HSPH1: variants seen among roughly 807,000 people sequenced by gnomAD.
The protein encoded by HSPH1 is heat shock protein family H (Hsp110) member 1.
A neutral mutation model predicts 100.0 loss-of-function variants in HSPH1; 40 were observed. The ratio of observed to expected loss-of-function variants is 0.40; its 90% CI spans 0.31 to 0.52. HSPH1 has a LOEUF of 0.52. Among genes scored for constraint, HSPH1 ranks in the 20% least tolerant of loss-of-function variants. The pLI is 0.54. For synonymous variants in HSPH1, 403 were observed against 344.0 expected (o/e 1.17, Z -1.90); for missense variants, 876 against 1,015.1 (o/e 0.86, Z 1.86).
chr13:31,157,067 G>T (rs1343828804), intron 2 of HSPH1, among the ~76,000 whole-genome samples: 1 of 152,086 alleles, frequency 6.6e-6, no homozygotes, highest in Non-Finnish European at 1.5e-5. Context: ...CTAATTTTTT[G>T]AATAAAGGGA....
chr13:31,151,844 A>C (rs1467916772), intron 5 of HSPH1, 102 bp from the exon 6 acceptor site: 1 of 982,712 alleles, frequency 1.0e-6, no homozygotes, highest in African/African-American at 1.6e-5. Flanking sequence ...ATTAACTTGA[A>C]ACAATTAAAG....
rs1479674218 is a variant in HSPH1, at chr13:31,135,429, CAT to C, written c.*1887_*1888del. Reference sequence around the variant, plus strand: ...TCAGAAAACATAAAAACCAAAGAAACATATTAACTGCATAAAAATTTAAAGTT... The same window carrying C: ...TCAGAAAACATAAAAACCAAAGAAACATTAACTGCATAAAAATTTAAAGTT... On this transcript the variant is annotated 3_prime_UTR_variant, in exon 18 of 18. Transcript: ENST00000320027. 4 of 152,228 alleles carry C rather than the reference CAT, an allele frequency of 2.6e-5. No individual in the cohort carries two copies. In the East Asian group the frequency reaches 7.7e-4, roughly 29 times the overall value. The allele number at this position is 152,228 out of a possible 1,614,324, so 9.4% of individuals were successfully genotyped here.
intron 2 of HSPH1, among the ~76,000 whole-genome samples, chr13:31,155,859 G>C (rs919554209): frequency 6.6e-6 from 1 of 152,242 alleles, no homozygotes; most frequent in East Asian, 1.9e-4. Flanking sequence ...GAAAATGCCA[G>C]AAAGTAAGCA....
chr13:31,143,336 T>C (rs1009543354), intron 12 of HSPH1, among the ~76,000 whole-genome samples: 6 of 152,134 alleles, frequency 3.9e-5, no homozygotes, highest in African/African-American at 1.4e-4. Context: ...AATCTGGTTA[T>C]TACCAGATCA....
At chr13:31,145,816 T>A in intron 10 of HSPH1, 48 bp from the exon 11 acceptor site, 1 of 1,573,612 alleles carries the variant, frequency 6.4e-7, no homozygotes, top group Non-Finnish European at 8.7e-7. Flanking sequence ...TATTTAGAAT[T>A]AAGTCTAAAT....
Position 31,135,897 on chromosome 13 carries a change from G to A in HSPH1, c.*1421C>T, listed in dbSNP as rs1474175804. 3 of 152,202 alleles carry A rather than the reference G, an allele frequency of 2.0e-5. No individual in the cohort carries two copies. Among genetic ancestry groups the A allele is most frequent in the Non-Finnish European group, 2.9e-5 (2 of 68,082 alleles). 9.4% of individuals were successfully genotyped at this position (152,202 alleles called of 1,614,324 possible). ...CCTCATCAAGATCATAAATGGCTGG[G>A]CATGGTGGCTCACACCATGTAATCC... is the stretch of plus-strand genomic sequence containing the variant. On this transcript the variant is annotated 3_prime_UTR_variant, in exon 18 of 18. Transcript: ENST00000320027.
At chr13:31,138,593 C>T (rs1278326518) in intron 16 of HSPH1, 25 bp from the exon 17 acceptor site, 2 of 1,588,494 alleles carry the variant, frequency 1.3e-6, no homozygotes, top group Non-Finnish European at 1.7e-6. Flanking sequence ...CACGGTCATT[C>T]TGTAGAATTT....
chr13:31,138,057 T>G (rs574874197), intron 17 of HSPH1, among the ~76,000 whole-genome samples: 2 of 152,128 alleles, frequency 1.3e-5, no homozygotes, highest in African/African-American at 4.8e-5. Context: ...ACATCTCTGA[T>G]AGATGACACA....
chr13:31,153,507 C>G (rs1956562044), intron 4 of HSPH1, among the ~76,000 whole-genome samples: 1 of 152,130 alleles, frequency 6.6e-6, no homozygotes, highest in East Asian at 1.9e-4. Context: ...TTCAATTTTC[C>G]TAAGAGTAAA....
intron 11 of HSPH1, among the ~76,000 whole-genome samples, chr13:31,144,519 A>T (rs1339635694): frequency 4.6e-5 from 7 of 152,158 alleles, no homozygotes; most frequent in Non-Finnish European, 1.0e-4. Context: ...CCTAATTAAA[A>T]ATTTGGTAAA....
intron 1 of HSPH1, among the ~76,000 whole-genome samples, chr13:31,160,231 T>C (rs1263209296): frequency 2.0e-5 from 3 of 152,238 alleles, no homozygotes; most frequent in Non-Finnish European, 2.9e-5. Context: ...CCTGAAATAC[T>C]GTTTTCTTTC....
rs571219605 is a variant in HSPH1, at chr13:31,151,090, A to G, written c.765T>C (p.Asp255=). ...GGAGTGCTCGTATTTTGGATTTTGC[A>G]TCCAACTTGTACTTAGTTTTAAATT... The part of the protein sequence containing the change: ...CAEFKTKYKL[D]AKSKIRALLR... The change falls in exon 7 of 18, where the codon GAT becomes GAC. Residue 255 remains aspartate, a synonymous_variant. Transcript: ENST00000320027. 2.5e-6 allele frequency: 4 copies of G among 1,613,780 alleles called. No individual in the cohort carries two copies. The South Asian group carries it at 4.4e-5, about 18-fold the overall frequency.
At chr13:31,140,943 T>G in intron 13 of HSPH1, 179 bp downstream of exon 13, 1 of 420,976 alleles carries the variant, frequency 2.4e-6, no homozygotes, top group Non-Finnish European at 4.1e-6. Context: ...GCAGAAAGAT[T>G]TTTTTGTTAA....
chr13:31,145,942 C>G (rs1397134745), intron 10 of HSPH1, among the ~76,000 whole-genome samples, 174 bp from the exon 11 acceptor site: 5 of 152,030 alleles, frequency 3.3e-5, no homozygotes, highest in South Asian at 4.1e-4. Context: ...ATAGTGAGAT[C>G]TGTCTCTACA....
At chr13:31,158,713 T>C in intron 2 of HSPH1, 93 bp downstream of exon 2, 1 of 782,216 alleles carries the variant, frequency 1.3e-6, no homozygotes, top group Non-Finnish European at 2.2e-6. Flanking sequence ...TACATAAACT[T>C]AGGCACACTT....
At chr13:31,154,811 A>G in intron 3 of HSPH1, 56 bp from the exon 4 acceptor site, 3 of 1,475,412 alleles carry the variant, frequency 2.0e-6, no homozygotes, top group Non-Finnish European at 2.8e-6. Flanking sequence ...CTACATGCCA[A>G]TATTTAACTT....
Position 31,143,778 on chromosome 13 carries a change from G to A in HSPH1, c.1716+14C>T. On this transcript the variant is annotated intron_variant, in intron 12 of 17. Transcript: ENST00000320027. ...CAACATTGTCTAATGGAATGAACTA[G>A]AAGAGTCACTCACTTTGTCAGCATC... 1 of 1,601,004 alleles carries A rather than the reference G, an allele frequency of 6.2e-7. No homozygotes were observed. Among genetic ancestry groups the A allele is most frequent in the Non-Finnish European group, 8.5e-7 (1 of 1,173,668 alleles).
intron 1 of HSPH1, 99 bp downstream of exon 1, chr13:31,161,377 C>G (rs1225405022): frequency 6.6e-7 from 1 of 1,520,546 alleles, no homozygotes; most frequent in Non-Finnish European, 8.9e-7. Context: ...CAAACGCCTC[C>G]GTTTGCCGCG....
intron 2 of HSPH1, among the ~76,000 whole-genome samples, chr13:31,158,384 A>C (rs1956774271): frequency 6.6e-6 from 1 of 151,982 alleles, no homozygotes; most frequent in African/African-American, 2.4e-5. Flanking sequence ...CCCCATCTCC[A>C]CTAAAAATAC....
Sources: gnomAD v4.1 joint callset for allele counts (sites outside exome capture counted in the v4.1 genomes callset) on GRCh38, gnomAD v4.1.1 for gene constraint, MANE v1.5 for transcripts, NCBI Gene and HGNC (gene_info 2026-07-23, HGNC 2026-07-21) for gene names.